NUDCD3: variants seen among roughly 807,000 people sequenced by gnomAD.
NUDCD3 encodes the protein NudC domain containing 3.
Under a neutral mutation model 39.7 loss-of-function variants are expected in NUDCD3, and 13 were observed. That is an observed-to-expected ratio of 0.33 (90% CI 0.21 to 0.52). The LOEUF is 0.52. Among genes scored for constraint, NUDCD3 ranks in the 20% least tolerant of loss-of-function variants. The probability of loss-of-function intolerance (pLI) is 0.96; values close to 1 mark genes in which losing one functional copy is unlikely to be tolerated. For synonymous variants in NUDCD3, 175 were observed against 172.4 expected (o/e 1.02, Z -0.12); for missense variants, 453 against 458.1 (o/e 0.99, Z 0.10).
chr7:44,444,443 G>C (rs1246077859), intron 2 of NUDCD3, among the ~76,000 whole-genome samples: 1 of 152,110 alleles, frequency 6.6e-6, no homozygotes, highest in Non-Finnish European at 1.5e-5. Flanking sequence ...GGGAGACAGG[G>C]CCCAATCCCT....
chr7:44,481,120 T>C (rs1050424668), intron 2 of NUDCD3, among the ~76,000 whole-genome samples: 2 of 152,150 alleles, frequency 1.3e-5, no homozygotes, highest in Non-Finnish European at 2.9e-5. Context: ...AGACATAATT[T>C]AAAGTCTATG....
chr7:44,425,766 T>C (rs1799221776), intron 3 of NUDCD3: 1 of 152,096 alleles, frequency 6.6e-6, no homozygotes, highest in Admixed American at 6.5e-5. Flanking sequence ...CTCAGGAGGC[T>C]AAGGTGGGAG....
chr7:44,454,143 T>A (rs531879105), intron 2 of NUDCD3, among the ~76,000 whole-genome samples: 2 of 152,022 alleles, frequency 1.3e-5, no homozygotes, highest in Non-Finnish European at 2.9e-5. Context: ...ATCAAGACCA[T>A]CCTGGCTAAC....
At chr7:44,386,767 T>G (rs983466027) in intron 5 of NUDCD3, among the ~76,000 whole-genome samples, 3 of 152,172 alleles carry the variant, frequency 2.0e-5, no homozygotes, top group Non-Finnish European at 4.4e-5. Flanking sequence ...CGCCAACGTG[T>G]GGCCATTCTG....
intron 3 of NUDCD3, among the ~76,000 whole-genome samples, chr7:44,406,942 C>G (rs1798833346): frequency 6.6e-6 from 1 of 152,112 alleles, no homozygotes. Context: ...GGAGCAAGGC[C>G]AGGGGCACAT....
chr7:44,419,331 G>A (rs1451122857), intron 3 of NUDCD3, among the ~76,000 whole-genome samples: 3 of 146,884 alleles, frequency 2.0e-5, no homozygotes, highest in African/African-American at 7.6e-5. Context: ...CAGCAGCCCA[G>A]TCAGGGGCTT....
intron 4 of NUDCD3, among the ~76,000 whole-genome samples, chr7:44,395,284 C>T (rs1798602536): frequency 6.6e-6 from 1 of 152,228 alleles, no homozygotes; most frequent in Non-Finnish European, 1.5e-5. Flanking sequence ...CTGTGCTGGG[C>T]AGTGCAGCTC....
chr7:44,383,796 A>G lies in NUDCD3; in HGVS notation c.*2215T>C, dbSNP rs1383191583. ...CAGGCAGGGTGTGCCAGCTCTGGAG[A>G]CTGGGCCAGTCCAGGGTGGTGGCTC... On this transcript the variant is annotated 3_prime_UTR_variant, in exon 6 of 6. Coordinates refer to ENST00000355451, the MANE Select transcript of NUDCD3 (RefSeq NM_015332.4). 6.6e-6 allele frequency: 1 copy of G among 152,228 alleles called. No homozygotes were observed. The highest frequency in any genetic ancestry group is 2.4e-5 in the African/African-American group (1 of 41,446). 9.4% of individuals were successfully genotyped at this position (152,228 alleles called of 1,614,324 possible).
chr7:44,455,812 G>A (rs1308256492), intron 2 of NUDCD3, among the ~76,000 whole-genome samples: 1 of 151,706 alleles, frequency 6.6e-6, no homozygotes, highest in Non-Finnish European at 1.5e-5. Context: ...GGATCACGAG[G>A]TCAGGAGATC....
chr7:44,395,314 C>T (rs903838096), intron 4 of NUDCD3, among the ~76,000 whole-genome samples: 1 of 152,246 alleles, frequency 6.6e-6, no homozygotes, highest in African/African-American at 2.4e-5. Flanking sequence ...GCCATCCTCA[C>T]TCACAGACGT....
chr7:44,420,208 A>T (rs1185895019), intron 3 of NUDCD3, among the ~76,000 whole-genome samples: 1 of 152,084 alleles, frequency 6.6e-6, no homozygotes, highest in Non-Finnish European at 1.5e-5. Flanking sequence ...AGCATACACA[A>T]GTATCAACAG....
At chr7:44,476,658 G>A (rs915903146) in intron 2 of NUDCD3, among the ~76,000 whole-genome samples, 1 of 152,136 alleles carries the variant, frequency 6.6e-6, no homozygotes, top group Non-Finnish European at 1.5e-5. Flanking sequence ...CAGACTGAGC[G>A]AAAACAGTAA....
chr7:44,392,186 G>T, intron 5 of NUDCD3, 111 bp downstream of exon 5: 1 of 1,040,582 alleles, frequency 9.6e-7, no homozygotes, highest in Non-Finnish European at 1.4e-6. Flanking sequence ...CAGGAAGCTG[G>T]TCCACACAAC....
At chr7:44,458,566 G>A (rs1053839397) in intron 2 of NUDCD3, among the ~76,000 whole-genome samples, 1 of 151,896 alleles carries the variant, frequency 6.6e-6, no homozygotes, top group African/African-American at 2.4e-5. Context: ...GCTGAGGCAG[G>A]AGAATCACTT....
At chr7:44,458,651 T>C (rs1799946609) in intron 2 of NUDCD3, among the ~76,000 whole-genome samples, 1 of 145,754 alleles carries the variant, frequency 6.9e-6, no homozygotes, top group Non-Finnish European at 1.5e-5. Context: ...AGAGCGAAAC[T>C]CTGTCTCGGG....
At chr7:44,446,468 A>C (rs1018134152) in intron 2 of NUDCD3, among the ~76,000 whole-genome samples, 2 of 152,248 alleles carry the variant, frequency 1.3e-5, no homozygotes, top group Admixed American at 6.5e-5. Context: ...AGGCTGGAGA[A>C]ACAGTCCTAC....
rs55947411 is a variant in NUDCD3 at position 44,458,936 on chromosome 7, C to CTGTGTGTGTGTGTGTG, written c.509+26016_509+26031dup. 3.2e-3 allele frequency among the ~76,000 whole-genome samples: 376 copies of CTGTGTGTGTGTGTGTG among 116,098 alleles called. 3 individuals carry two copies. The highest frequency in any genetic ancestry group is 4.2e-3 in the Admixed American group (46 of 10,826). The allele number at this position is 116,098 out of a possible 152,430, so 76.2% of individuals were successfully genotyped here. A position where few individuals can be genotyped will look rare whatever the true frequency, so the allele number is the denominator to read the frequency against. ...TGGCTGCAGGATTAGACGGGGAGTG[C>CTGTGTGTGTGTGTGTG]TGTGTGTGTGTGTGTGTGTGTGTGT... On this transcript the variant is annotated intron_variant, in intron 2 of 5. Coordinates refer to ENST00000355451, the MANE Select transcript of NUDCD3 (RefSeq NM_015332.4).
At chr7:44,488,354 A>AG (rs200945769) in intron 1 of NUDCD3, among the ~76,000 whole-genome samples, 1 of 151,580 alleles carries the variant, frequency 6.6e-6, no homozygotes, top group African/African-American at 2.4e-5. Flanking sequence ...AAAAAAAAAA[A>AG]AAAGAAAGAA....
At chr7:44,455,653 G>A (rs895653296) in intron 2 of NUDCD3, among the ~76,000 whole-genome samples, 5 of 152,168 alleles carry the variant, frequency 3.3e-5, no homozygotes, top group African/African-American at 1.2e-4. Flanking sequence ...CATTAGTGCA[G>A]GTAAATGTGA....
Sources: gnomAD v4.1 joint callset for allele counts (sites outside exome capture counted in the v4.1 genomes callset) on GRCh38, gnomAD v4.1.1 for gene constraint, MANE v1.5 for transcripts, NCBI Gene and HGNC (gene_info 2026-07-23, HGNC 2026-07-21) for gene names.